Variants in SCRIB observed in about 807,000 individuals in gnomAD.
The protein encoded by SCRIB is protein scribble homolog.
In SCRIB, 72 loss-of-function variants were observed where a neutral mutation model predicts 170.0. That is an observed-to-expected ratio of 0.42 (90% CI 0.35 to 0.52). The LOEUF (loss-of-function observed/expected upper bound fraction) is 0.52, where lower values mean the gene tolerates loss of function less well. Ranked by LOEUF, SCRIB falls within the 20% of genes least tolerant of loss-of-function variation. The pLI is 0.02. For missense variants in SCRIB, 2,475 were observed against 2,338.5 expected (o/e 1.06, Z -1.20); for synonymous variants, 1,298 against 1,044.3 (o/e 1.24, Z -4.68).
intron 27 of SCRIB, chr8:143,794,341 C>T (rs577014686): frequency 8.4e-6 from 2 of 237,348 alleles, no homozygotes; most frequent in Non-Finnish European, 1.7e-5. Context: ...GGCGCCCTGA[C>T]TGCTGCCCCC....
In SCRIB at chr8:143,791,977, CCT is replaced by C. The variant is rs1444099429; in HGVS notation, c.4657+12_4657+13del. On this transcript the variant is annotated intron_variant, in intron 33 of 36. Transcript: ENST00000356994. Reference sequence around the variant, plus strand: ...CGGCAGGCTGACCCCCCCGACCTGCCCTGACCCACAGACCTTCCACAGGGGTG... The same window carrying C: ...CGGCAGGCTGACCCCCCCGACCTGCCGACCCACAGACCTTCCACAGGGGTG... 1.0e-5 allele frequency: 15 copies of C among 1,499,034 alleles called. No individual in the cohort carries two copies. The highest frequency in any genetic ancestry group is 1.1e-5 in the Non-Finnish European group (12 of 1,124,030). 92.9% of individuals were successfully genotyped at this position (1,499,034 alleles called of 1,614,324 possible).
At chr8:143,799,161 C>G (rs1815070146) in intron 24 of SCRIB, among the ~76,000 whole-genome samples, 1 of 152,204 alleles carries the variant, frequency 6.6e-6, no homozygotes, top group African/African-American at 2.4e-5. Context: ...CTAGGTCTTT[C>G]CTGCAGGAGC....
intron 11 of SCRIB, 41 bp from the exon 12 acceptor site, chr8:143,810,857 C>T: frequency 6.2e-7 from 1 of 1,606,844 alleles, no homozygotes; most frequent in Non-Finnish European, 8.5e-7. Context: ...AGTCCCCAAA[C>T]CCTGCCTGAG....
Position 143,803,639 on chromosome 8 carries a change from G to A in SCRIB, c.3414+8C>T. 1.3e-6 allele frequency: 2 copies of A among 1,535,492 alleles called. No individual in the cohort carries two copies. Among genetic ancestry groups the A allele is most frequent in the Non-Finnish European group, 8.8e-7 (1 of 1,141,396 alleles). On this transcript the variant is annotated splice_region_variant and intron_variant, in intron 23 of 36. Coordinates refer to ENST00000356994, the MANE Select transcript of SCRIB (RefSeq NM_182706.5). Reference sequence around the variant, plus strand: ...GGCCCAGGGCGGGCTGGGGTGGGGGGGGCTCACCTTGGAGATGAAGATGCC... The same window carrying A: ...GGCCCAGGGCGGGCTGGGGTGGGGGAGGCTCACCTTGGAGATGAAGATGCC...
At position 143,808,711 on chromosome 8, in the gene SCRIB, C is replaced by T. The variant is rs1554637246; in HGVS notation, c.2013G>A (p.Glu671=). 3.8e-6 allele frequency: 6 copies of T among 1,575,144 alleles called. No individual in the cohort carries two copies. In the African/African-American group the frequency reaches 6.8e-5, roughly 18 times the overall value. Residue 671 remains glutamate, a synonymous_variant, in exon 15 of 37, where the codon GAG becomes GAA. Transcript: ENST00000356994. ...TTTCCTCCTCCTCCTCTTCCTCCTCCTCCTGAGGACTACCCTCTTCCTCCT... is the reference window on the plus strand; with the variant it reads ...TTTCCTCCTCCTCCTCTTCCTCCTCTTCCTGAGGACTACCCTCTTCCTCCT... The part of the protein sequence containing the change: ...EEEEEEGSPQ[E]EEEEEEEENR...
chr8:143,791,420 C>G lies in SCRIB; in HGVS notation c.4791G>C (p.Glu1597Asp), dbSNP rs1222608512. Reference protein sequence around the residue: ...YDIQSPDFAEELRSLEPSPSP... With the variant: ...YDIQSPDFAEDLRSLEPSPSP... ...TGGGAGATGGTTCCAGGGACCTCAA[C>G]TCCTCAGCAAAGTCCGGTGACTGTG... The change falls in exon 36 of 37, where the codon GAG becomes GAC. Residue 1597 changes from glutamate (E) to aspartate (D), a missense_variant. This residue lies in a region of SCRIB where 1,966 missense variants were observed against 1,742.9 expected (regional missense o/e 1.13). Coordinates refer to ENST00000356994, the MANE Select transcript of SCRIB (RefSeq NM_182706.5). 1.2e-6 allele frequency: 2 copies of G among 1,611,114 alleles called. No individual in the cohort carries two copies. The highest frequency in any genetic ancestry group is 1.3e-5 in the African/African-American group (1 of 74,880).
chr8:143,802,957 C>T (rs965034075), intron 24 of SCRIB, among the ~76,000 whole-genome samples: 1 of 152,198 alleles, frequency 6.6e-6, no homozygotes, highest in Non-Finnish European at 1.5e-5. Flanking sequence ...CAAGGTGCCA[C>T]TAGGCACAGG....
chr8:143,807,885 T>C (rs1360882502), intron 15 of SCRIB, among the ~76,000 whole-genome samples: 1 of 151,968 alleles, frequency 6.6e-6, no homozygotes, highest in Non-Finnish European at 1.5e-5. Context: ...TGGCCCACAC[T>C]CAGGGTCAGA....
intron 27 of SCRIB, 85 bp from the exon 28 acceptor site, chr8:143,794,047 T>A: frequency 1.5e-6 from 2 of 1,314,234 alleles, no homozygotes; most frequent in Non-Finnish European, 2.1e-6. Flanking sequence ...GGGGCTTGCC[T>A]AAAAGCCACA....
intron 1 of SCRIB, 133 bp from the exon 2 acceptor site, chr8:143,814,251 T>C (rs1815908758): frequency 2.8e-6 from 2 of 704,644 alleles, no homozygotes. Context: ...GGTCCTGGGG[T>C]CTAACCACGA....
At position 143,803,934 on chromosome 8, in the gene SCRIB, G is replaced by A. The variant is rs1554635681; in HGVS notation, c.3127C>T (p.Pro1043Ser). 4 of 1,580,890 alleles carry A rather than the reference G, an allele frequency of 2.5e-6. No individual in the cohort carries two copies. In the East Asian group the frequency reaches 9.1e-5, roughly 36 times the overall value. Residue 1043 changes from proline (P) to serine (S), a missense_variant, in exon 23 of 37, where the codon CCG becomes TCG. Coordinates refer to ENST00000356994, the MANE Select transcript of SCRIB (RefSeq NM_182706.5). ...CCGCTGCGAGCGGCCAGGCCCCGCG[G>A]GAGCACCTGTCAGGGAGGAGGGTGG... Reference protein sequence around the residue: ...EPGVFISKVLPRGLAARSGLR... With the variant: ...EPGVFISKVLSRGLAARSGLR...
intron 9 of SCRIB, among the ~76,000 whole-genome samples, chr8:143,811,929 C>T (rs1815745664): frequency 1.3e-5 from 2 of 152,182 alleles, no homozygotes; most frequent in Admixed American, 1.3e-4. Context: ...AGGCAGACGC[C>T]CCTGGGGAGC....
At position 143,791,082 on chromosome 8, in the gene SCRIB, C is replaced by T; in HGVS notation, c.*81G>A. On this transcript the variant is annotated 3_prime_UTR_variant, in exon 37 of 37. Coordinates refer to ENST00000356994, the MANE Select transcript of SCRIB (RefSeq NM_182706.5). ...TGGGGTCTCTTTAAAATGCTAACAC[C>T]CAGGTTAAAAGACTTGGGGCAAGGG... The T allele has an allele frequency of 7.5e-7, 1 of 1,326,034 alleles. No individual in the cohort carries two copies. Among genetic ancestry groups the T allele is most frequent in the Non-Finnish European group, 9.7e-7 (1 of 1,035,746 alleles). The allele number at this position is 1,326,034 out of a possible 1,614,324, so 82.1% of individuals were successfully genotyped here. A position where few individuals can be genotyped will look rare whatever the true frequency, so the allele number is the denominator to read the frequency against.
chr8:143,810,386 G>C lies in SCRIB; in HGVS notation c.1530+93C>G. On this transcript the variant is annotated intron_variant, in intron 13 of 36. Coordinates refer to ENST00000356994, the MANE Select transcript of SCRIB (RefSeq NM_182706.5). ...TCATCTCCTGCTCCTTCTCTGTGCT[G>C]CCCTGGCCCTCACAGCCCCACTCCC... 5.3e-6 allele frequency: 8 copies of C among 1,523,630 alleles called. No individual in the cohort carries two copies. In the South Asian group the frequency reaches 8.4e-5, roughly 16 times the overall value. The allele number at this position is 1,523,630 out of a possible 1,614,324, so 94.4% of individuals were successfully genotyped here. A position where few individuals can be genotyped will look rare whatever the true frequency, so the allele number is the denominator to read the frequency against.
At position 143,806,396 on chromosome 8, in the gene SCRIB, T is replaced by G; in HGVS notation, c.2346+11A>C. 6.3e-7 allele frequency: 1 copy of G among 1,596,348 alleles called. No homozygotes were observed. Among genetic ancestry groups the G allele is most frequent in the Non-Finnish European group, 8.5e-7 (1 of 1,170,602 alleles). On this transcript the variant is annotated intron_variant, in intron 18 of 36. Transcript: ENST00000356994. ...CAGCTGCCACTCGGGGCGGAGAGGT[T>G]GCCGACTCACCTCCAGGAGCTTGTC... is the stretch of plus-strand genomic sequence containing the variant.
intron 24 of SCRIB, 46 bp downstream of exon 24, chr8:143,803,336 TG>T: frequency 6.7e-7 from 1 of 1,487,344 alleles, no homozygotes. Flanking sequence ...CACAACACCT[TG>T]GGCTGGGCCA....
In SCRIB at chr8:143,795,213, C is replaced by T. The variant is rs1261423104; in HGVS notation, c.3771+64G>A. On this transcript the variant is annotated intron_variant, in intron 26 of 36. Transcript: ENST00000356994. The stretch of plus-strand genomic sequence containing the variant: ...GGTCCTGGGGGTTACTACCCAGCAC[C>T]CCACAGGCAATGTGCACCCCGCTCC... 6 of 1,607,272 alleles carry T rather than the reference C, an allele frequency of 3.7e-6. No homozygotes were observed. In the South Asian group the frequency reaches 5.5e-5, roughly 15 times the overall value.
At position 143,812,331 on chromosome 8, in the gene SCRIB, C is replaced by T. The variant is rs148168844; in HGVS notation, c.841G>A (p.Val281Met). The change falls in exon 9 of 37, where the codon GTG becomes ATG. Residue 281 changes from valine to methionine, a missense_variant. By Grantham distance (21) the Val-to-Met change is conservative. Transcript: ENST00000356994. ...LKVDQNRLCE[V>M]TEAIGDCENL... ...TCACAGTCCCCGATGGCCTCGGTCA[C>T]CTCGCACAGCCGATTCTGGTCTACC... 47 of 1,613,806 alleles carry T rather than the reference C, an allele frequency of 2.9e-5. No individual in the cohort carries two copies. Among genetic ancestry groups the T allele is most frequent in the Non-Finnish European group, 3.9e-5 (46 of 1,179,890 alleles).
chr8:143,814,944 C>T (rs1027963445), intron 1 of SCRIB: 4 of 485,184 alleles, frequency 8.2e-6, no homozygotes, highest in Non-Finnish European at 1.5e-5. Context: ...CCATCCACCT[C>T]CCTGAATCCC....
Sources: gnomAD v4.1 joint callset for allele counts (sites outside exome capture counted in the v4.1 genomes callset) on GRCh38, gnomAD v4.1.1 for gene constraint, gnomAD v4.1.1 regional missense constraint, MANE v1.5 for transcripts, NCBI Gene and HGNC (gene_info 2026-07-23, HGNC 2026-07-21) for gene names.